The following TRIM26 variants were observed in gnomAD, a reference collection of about 807,000 sequenced individuals.
TRIM26 encodes the protein tripartite motif containing 26.
In TRIM26, 16 loss-of-function variants were observed where a neutral mutation model predicts 45.5. The observed-to-expected ratio is 0.35, with a 90% CI of 0.24 to 0.53. The LOEUF (loss-of-function observed/expected upper bound fraction) is 0.53. TRIM26 is among the 20% of genes least tolerant of loss of function. The probability of loss-of-function intolerance (pLI) is 0.92; values close to 1 mark genes in which losing one functional copy is unlikely to be tolerated. For missense variants in TRIM26, 442 were observed against 691.1 expected (o/e 0.64, Z 4.04); for synonymous variants, 273 against 290.4 (o/e 0.94, Z 0.61).
intron 1 of TRIM26, among the ~76,000 whole-genome samples, chr6:30,211,965 C>T (rs1340063506): frequency 6.6e-6 from 1 of 152,180 alleles, no homozygotes; most frequent in Non-Finnish European, 1.5e-5. Flanking sequence ...ATGGGCTGCA[C>T]TTAGTGACTT....
Position 30,198,672 on chromosome 6 carries a change from G to C in TRIM26, c.432C>G (p.Pro144=). The change falls in exon 4 of 10, where the codon CCC becomes CCG. Residue 144 remains proline (P), a synonymous_variant. Transcript: ENST00000454678. The surrounding 1 kb of genome is among the most constrained non-coding windows in gnomAD (Gnocchi z 6.3). ...TAVLMEKAAQ[P]HREKILNHLS... is the part of the protein sequence containing the mutation. ...GGGGGTGAAGAGGGCTTACCCTGTG[G>C]GGCTGGGCGGCCTTCTCCATGAGGA... 1.2e-6 allele frequency: 2 copies of C among 1,604,398 alleles called. No homozygotes were observed. Among genetic ancestry groups the C allele is most frequent in the Non-Finnish European group, 1.7e-6 (2 of 1,178,208 alleles).
Position 30,198,376 on chromosome 6 carries a change from C to T in TRIM26, c.534+53G>A, listed in dbSNP as rs1348099467. On this transcript the variant is annotated intron_variant, in intron 5 of 9. Transcript: ENST00000454678. The surrounding 1 kb of genome is among the most constrained non-coding windows in gnomAD (Gnocchi z 6.3). The stretch of plus-strand genomic sequence containing the variant: ...CTGCCGCCTACTTGCCCAGGCTCAC[C>T]CTGCCCTACACGGGCGCACCGCCTC... 6.2e-7 allele frequency: 1 copy of T among 1,601,322 alleles called. No individual in the cohort carries two copies. The highest frequency in any genetic ancestry group is 8.5e-7 in the Non-Finnish European group (1 of 1,170,838).
rs1775662141 is a variant in TRIM26, at chr6:30,190,074, T to C, written c.766-39A>G. 1 of 1,610,800 alleles carries C rather than the reference T, an allele frequency of 6.2e-7. No homozygotes were observed. The highest frequency in any genetic ancestry group is 8.5e-7 in the Non-Finnish European group (1 of 1,178,446). On this transcript the variant is annotated intron_variant, in intron 6 of 9. Coordinates refer to ENST00000454678, the MANE Select transcript of TRIM26 (RefSeq NM_003449.5). The surrounding 1 kb of genome is among the most constrained non-coding windows in gnomAD (Gnocchi z 4.3). ...AAAAAAGCACAAGTATCAATATGAA[T>C]CAAATAAGACTTCAATGCATCTGCA...
intron 9 of TRIM26, chr6:30,187,151 G>A (rs9261547): frequency 0.91 from 255,860 of 279,968 alleles, 117,230 homozygotes; most frequent in East Asian, 0.98. Flanking sequence ...ACTGCACTGG[G>A]GTTCTACAAG....
chr6:30,213,357 G>A lies in TRIM26; in HGVS notation c.-428C>T, dbSNP rs1778492030. 1 of 152,388 alleles carries A rather than the reference G, an allele frequency of 6.6e-6. No individual in the cohort carries two copies. The highest frequency in any genetic ancestry group is 2.4e-5 in the African/African-American group (1 of 41,482). 9.4% of individuals were successfully genotyped at this position (152,388 alleles called of 1,614,324 possible). A position where few individuals can be genotyped will look rare whatever the true frequency, so the allele number is the denominator to read the frequency against. ...CGGCCGGCACCCCTCCTCTCTCACGGCGGTCTGTTCCGGGTCCCGCTCCTG... is the reference window on the plus strand; with the variant it reads ...CGGCCGGCACCCCTCCTCTCTCACGACGGTCTGTTCCGGGTCCCGCTCCTG... On this transcript the variant is annotated 5_prime_UTR_variant, in exon 1 of 10. Transcript: ENST00000454678.
Position 30,186,962 on chromosome 6 carries a change from C to A in TRIM26, c.938-404G>T. 2.1e-6 allele frequency: 1 copy of A among 471,230 alleles called. No homozygotes were observed. Among genetic ancestry groups the A allele is most frequent in the Non-Finnish European group, 3.9e-6 (1 of 257,196 alleles). The allele number at this position is 471,230 out of a possible 1,614,324, so 29.2% of individuals were successfully genotyped here. On this transcript the variant is annotated intron_variant, in intron 9 of 9. Coordinates refer to ENST00000454678, the MANE Select transcript of TRIM26 (RefSeq NM_003449.5). The surrounding 1 kb of genome is among the most constrained non-coding windows in gnomAD (Gnocchi z 7.4). ...AATCCAGAAAAAAAGTCCTCTTTTTCAAGTAACTCTTGATATGCTTCTTGG... is the reference window on the plus strand; with the variant it reads ...AATCCAGAAAAAAAGTCCTCTTTTTAAAGTAACTCTTGATATGCTTCTTGG...
Position 30,198,970 on chromosome 6 carries a change from G to A in TRIM26, c.134C>T (p.Pro45Leu), listed in dbSNP as rs761026180. ...GCAGACGGGGCGGCTCCCTGAGATG[G>A]GGCGGACGTCTGTGGTGCAGCTGCG... ...FCRSCTTDVR[P>L]ISGSRPVCPL... The change falls in exon 4 of 10, where the codon CCC becomes CTC. Residue 45 changes from proline to leucine, a missense_variant. Pro to Leu is a moderately conservative substitution (Grantham distance 98). Coordinates refer to ENST00000454678, the MANE Select transcript of TRIM26 (RefSeq NM_003449.5). The surrounding 1 kb of genome is among the most constrained non-coding windows in gnomAD (Gnocchi z 6.3). The A allele has an allele frequency of 9.9e-6, 16 of 1,612,650 alleles. No homozygotes were observed. Among genetic ancestry groups the A allele is most frequent in the Non-Finnish European group, 1.4e-5 (16 of 1,179,846 alleles).
In TRIM26 at chr6:30,186,340, C is replaced by G. The variant is rs1403550069; in HGVS notation, c.1156G>C (p.Gly386Arg). 1.2e-6 allele frequency: 2 copies of G among 1,612,502 alleles called. No individual in the cohort carries two copies. Among genetic ancestry groups the G allele is most frequent in the African/African-American group, 1.3e-5 (1 of 74,914 alleles). Residue 386 changes from glycine to arginine, a missense_variant, in exon 10 of 10, where the codon GGG becomes CGG. By Grantham distance (125) the Gly-to-Arg change is moderately radical. Coordinates refer to ENST00000454678, the MANE Select transcript of TRIM26 (RefSeq NM_003449.5). The surrounding 1 kb of genome is among the most constrained non-coding windows in gnomAD (Gnocchi z 7.4). Reference protein sequence around the residue: ...REGWSEDEEEGDEEEEGEEEE... With the variant: ...REGWSEDEEERDEEEEGEEEE... Reference sequence around the variant, plus strand: ...TCTTCTCCCTCTTCCTCCTCATCCCCCTCTTCTTCATCCTCAGACCAGCCC... The same window carrying G: ...TCTTCTCCCTCTTCCTCCTCATCCCGCTCTTCTTCATCCTCAGACCAGCCC...
At position 30,196,252 on chromosome 6, in the gene TRIM26, A is replaced by C; in HGVS notation, c.765+264T>G. Among the ~76,000 whole-genome samples, 1 of 152,142 alleles carries C rather than the reference A, an allele frequency of 6.6e-6. No individual in the cohort carries two copies. The highest frequency in any genetic ancestry group is 1.5e-5 in the Non-Finnish European group (1 of 68,022). On this transcript the variant is annotated intron_variant, in intron 6 of 9. Transcript: ENST00000454678. The surrounding 1 kb of genome is among the most constrained non-coding windows in gnomAD (Gnocchi z 4.9). ...TGGAGGATGGTAAATGATATTAATA[A>C]TCTTCCCTTCCATTTTCTACTATAC... is the stretch of plus-strand genomic sequence containing the variant.
rs780177456 is a variant in TRIM26, at chr6:30,185,958, G to A, written c.1538C>T (p.Thr513Ile). 1.1e-5 allele frequency: 17 copies of A among 1,612,950 alleles called. No homozygotes were observed. The highest frequency in any genetic ancestry group is 1.3e-5 in the African/African-American group (1 of 74,924). ...GCGCCGGGTGAAGGTGGCAGTGAAG[G>A]TGTAGATGAGTTCCTGTGACTCTGC... is the stretch of plus-strand genomic sequence containing the variant. ...TNAESQELIY[T>I]FTATFTRRLV... The change falls in exon 10 of 10, where the codon ACC becomes ATC. Residue 513 changes from threonine to isoleucine, a missense_variant. Transcript: ENST00000454678. This position sits in a 1 kb window ranked among gnomAD's most constrained non-coding sequence, Gnocchi z 5.7.
Position 30,185,927 on chromosome 6 carries a change from G to A in TRIM26, c.1569C>T (p.Val523=). ...CTGGCCACTTGAGCCACAGGAAGGG[G>A]ACCAGGCGCCGGGTGAAGGTGGCAG... ...TFTATFTRRL[V]PFLWLKWPGT... The change falls in exon 10 of 10, where the codon GTC becomes GTT. Residue 523 remains valine, a synonymous_variant. Coordinates refer to ENST00000454678, the MANE Select transcript of TRIM26 (RefSeq NM_003449.5). This position sits in a 1 kb window ranked among gnomAD's most constrained non-coding sequence, Gnocchi z 5.7. 6.2e-7 allele frequency: 1 copy of A among 1,613,052 alleles called. No individual in the cohort carries two copies.
chr6:30,188,364 C>T, intron 9 of TRIM26: 1 of 439,602 alleles, frequency 2.3e-6, no homozygotes, highest in Non-Finnish European at 4.2e-6. Context: ...TACCAGCCTG[C>T]TCTGTAAGAT....
chr6:30,193,066 A>G (rs988206722), intron 6 of TRIM26, among the ~76,000 whole-genome samples: 1 of 140,610 alleles, frequency 7.1e-6, no homozygotes, highest in Non-Finnish European at 1.5e-5. Context: ...TTTGTAGTAT[A>G]TATATATATA....
At chr6:30,206,404 G>C (rs976281501) in intron 1 of TRIM26, among the ~76,000 whole-genome samples, 3 of 152,332 alleles carry the variant, frequency 2.0e-5, no homozygotes, top group East Asian at 3.9e-4. Flanking sequence ...AAACTACCAG[G>C]GCTCTGAACG....
At position 30,199,851 on chromosome 6, in the gene TRIM26, T is replaced by C. The variant is rs192175511; in HGVS notation, c.-161-587A>G. 7.2e-3 allele frequency among the ~76,000 whole-genome samples: 1,098 copies of C among 152,254 alleles called. 42 individuals are homozygous for C. The South Asian group carries it at 0.12, about 17-fold the overall frequency. On this transcript the variant is annotated intron_variant, in intron 3 of 9. Transcript: ENST00000454678. The stretch of plus-strand genomic sequence containing the variant: ...CGGGGTTTCACCGTGTTAGCCAGGA[T>C]GGTCTTGATCTCCCGACCTCGTGAT...
At position 30,199,164 on chromosome 6, in the gene TRIM26, C is replaced by T. The variant is rs566042984; in HGVS notation, c.-61G>A. The T allele has an allele frequency of 8.2e-5, 122 of 1,487,060 alleles. No individual in the cohort carries two copies. In the African/African-American group the frequency reaches 1.1e-3, roughly 13 times the overall value. 92.1% of individuals were successfully genotyped at this position (1,487,060 alleles called of 1,614,324 possible). ...TGAGGACTTCTTCTCCTTGGAGACG[C>T]GACATAGAGTCAGGAGCAAGCACAG... On this transcript the variant is annotated 5_prime_UTR_variant, in exon 4 of 10. Coordinates refer to ENST00000454678, the MANE Select transcript of TRIM26 (RefSeq NM_003449.5).
At chr6:30,192,803 C>G (rs1387112990) in intron 6 of TRIM26, among the ~76,000 whole-genome samples, 1 of 152,042 alleles carries the variant, frequency 6.6e-6, no homozygotes, top group Non-Finnish European at 1.5e-5. Context: ...CCAGTTCCCA[C>G]GCAGTACAAT....
rs1212749756 is a variant in TRIM26, at chr6:30,196,151, C to A, written c.765+365G>T. Among the ~76,000 whole-genome samples the A allele has an allele frequency of 6.6e-6, 1 of 152,162 alleles. No homozygotes were observed. The highest frequency in any genetic ancestry group is 1.5e-5 in the Non-Finnish European group (1 of 68,034). Reference sequence around the variant, plus strand: ...CCCTCAGCCACCCCCAACCACAACACCATAAAAAGCTTCCACCAGCTGCTA... The same window carrying A: ...CCCTCAGCCACCCCCAACCACAACAACATAAAAAGCTTCCACCAGCTGCTA... On this transcript the variant is annotated intron_variant, in intron 6 of 9. Transcript: ENST00000454678. This position sits in a 1 kb window ranked among gnomAD's most constrained non-coding sequence, Gnocchi z 4.9.
At chr6:30,211,471 G>C (rs987375733) in intron 1 of TRIM26, among the ~76,000 whole-genome samples, 2 of 152,118 alleles carry the variant, frequency 1.3e-5, no homozygotes, top group African/African-American at 4.8e-5. Flanking sequence ...ACTCTCTTCG[G>C]GGGTTTGCAG....
Sources: allele counts gnomAD v4.1 joint callset (sites outside exome capture counted in the v4.1 genomes callset), GRCh38; gene constraint gnomAD v4.1.1; non-coding constraint Gnocchi (gnomAD v3.1); transcripts MANE v1.5; gene names NCBI Gene and HGNC (gene_info 2026-07-23, HGNC 2026-07-21).